Variants in TMEM178A observed in about 807,000 individuals in gnomAD.
The protein encoded by TMEM178A is transmembrane protein 178A.
A neutral mutation model predicts 29.1 loss-of-function variants in TMEM178A; 12 were observed. The ratio of observed to expected loss-of-function variants is 0.41; its 90% CI spans 0.26 to 0.67. The LOEUF (loss-of-function observed/expected upper bound fraction) is 0.67. Among genes scored for constraint, TMEM178A ranks in the 30% least tolerant of loss-of-function variants. The pLI is 0.29. For synonymous variants in TMEM178A, 210 were observed against 187.2 expected, an observed-to-expected ratio of 1.12 and a Z score of -0.99; for missense variants, 366 against 419.1, an observed-to-expected ratio of 0.87 and a Z score of 1.11.
At chr2:39,690,435 G>A (rs73927035) in intron 1 of TMEM178A, among the ~76,000 whole-genome samples, 2,625 of 152,286 alleles carry the variant, frequency 0.017, 76 homozygotes, top group African/African-American at 0.058. Flanking sequence ...GGACACTGCC[G>A]TGGGGAAAAT....
At chr2:39,696,555 G>C (rs2148087733) in intron 1 of TMEM178A, among the ~76,000 whole-genome samples, 1 of 152,292 alleles carries the variant, frequency 6.6e-6, no homozygotes, top group South Asian at 2.1e-4. Context: ...CCAAGGCTCA[G>C]TGAGCTTCAG....
At chr2:39,700,723 A>G (rs1328376044) in intron 1 of TMEM178A, among the ~76,000 whole-genome samples, 3 of 151,782 alleles carry the variant, frequency 2.0e-5, no homozygotes, top group East Asian at 1.9e-4. Context: ...TCTATATGCC[A>G]TATGCATTTT....
chr2:39,690,079 C>T (rs115971625), intron 1 of TMEM178A, among the ~76,000 whole-genome samples: 175 of 152,312 alleles, frequency 1.1e-3, no homozygotes, highest in Non-Finnish European at 2.0e-3. Flanking sequence ...CCCTAGATCA[C>T]TAAGGGGATT....
At chr2:39,687,311 T>A (rs1215167446) in intron 1 of TMEM178A, 1 of 166,964 alleles carries the variant, frequency 6.0e-6, no homozygotes, top group Non-Finnish European at 1.5e-5. Flanking sequence ...GAATTCAGTT[T>A]AGAAGGCGCA....
intron 1 of TMEM178A, among the ~76,000 whole-genome samples, chr2:39,693,732 C>G (rs1671421472): frequency 6.6e-6 from 1 of 152,128 alleles, no homozygotes; most frequent in South Asian, 2.1e-4. Context: ...ACCTGCCACA[C>G]CAGATAAGTC....
downstream of TMEM178A, among the ~76,000 whole-genome samples, chr2:39,720,320 C>CT (rs1672677354): frequency 6.6e-6 from 1 of 152,084 alleles, no homozygotes; most frequent in Admixed American, 6.5e-5. Flanking sequence ...GAATAAAAAC[C>CT]TGGGAACCCG....
At chr2:39,702,674 TA>T (rs531449900) in intron 1 of TMEM178A, among the ~76,000 whole-genome samples, 4,243 of 124,128 alleles carry the variant, frequency 0.034, 125 homozygotes, top group African/African-American at 0.096. Flanking sequence ...AAAAACAAAT[TA>T]AAAAAAAAAA....
intron 1 of TMEM178A, among the ~76,000 whole-genome samples, chr2:39,684,483 G>A (rs1010323837): frequency 6.6e-5 from 10 of 152,244 alleles, no homozygotes; most frequent in Non-Finnish European, 7.4e-5. Context: ...TTTGTATCGA[G>A]CATTAAGCCA....
intron 1 of TMEM178A, among the ~76,000 whole-genome samples, chr2:39,668,872 C>G (rs921984000): frequency 1.3e-5 from 2 of 152,128 alleles, no homozygotes. Flanking sequence ...GAAAATGTCA[C>G]CAACATTTTC....
chr2:39,731,091 C>G, the TMEM178A span, among the ~76,000 whole-genome samples: 17 of 152,178 alleles, frequency 1.1e-4, no homozygotes, highest in Non-Finnish European at 2.4e-4. Flanking sequence ...AAAATAAGCT[C>G]TTTAGTGAGA....
chr2:39,712,344 G>A (rs566717708), intron 3 of TMEM178A, among the ~76,000 whole-genome samples: 64 of 152,106 alleles, frequency 4.2e-4, no homozygotes, highest in African/African-American at 1.4e-3. Context: ...ATTAAAAAAC[G>A]GTGGTCAAAA....
At chr2:39,682,972 C>T (rs2716696) in intron 1 of TMEM178A, among the ~76,000 whole-genome samples, 3,299 of 152,260 alleles carry the variant, frequency 0.022, 123 homozygotes, top group African/African-American at 0.075. Flanking sequence ...ATTACCACCT[C>T]CTCAAGATAA....
intron 1 of TMEM178A, chr2:39,697,925 C>A (rs1341370870): frequency 6.6e-6 from 1 of 152,210 alleles, no homozygotes; most frequent in African/African-American, 2.4e-5. Flanking sequence ...TCTTGTGAGT[C>A]TGAGAAAATA....
chr2:39,682,220 A>T (rs1473626988), intron 1 of TMEM178A, among the ~76,000 whole-genome samples: 1 of 152,212 alleles, frequency 6.6e-6, no homozygotes, highest in Non-Finnish European at 1.5e-5. Flanking sequence ...TCAGTGCATT[A>T]TGCACATGTC....
At chr2:39,686,416 T>G (rs903637377) in intron 1 of TMEM178A, among the ~76,000 whole-genome samples, 51 of 142,828 alleles carry the variant, frequency 3.6e-4, no homozygotes, top group African/African-American at 1.4e-3. Flanking sequence ...TTAAATTAGG[T>G]TTTTTTTTTA....
chr2:39,670,167 G>C (rs922554282), intron 1 of TMEM178A, among the ~76,000 whole-genome samples: 1 of 152,186 alleles, frequency 6.6e-6, no homozygotes, highest in Non-Finnish European at 1.5e-5. Flanking sequence ...AGGTACCTCT[G>C]TGGCACTGGG....
At chr2:39,669,007 C>G (rs1056106342) in intron 1 of TMEM178A, among the ~76,000 whole-genome samples, 2 of 152,204 alleles carry the variant, frequency 1.3e-5, no homozygotes, top group Non-Finnish European at 2.9e-5. Context: ...GAAATTAACA[C>G]TGTATCTAAT....
intron 3 of TMEM178A, among the ~76,000 whole-genome samples, chr2:39,707,873 C>A (rs1672107655): frequency 6.6e-6 from 1 of 152,220 alleles, no homozygotes; most frequent in Non-Finnish European, 1.5e-5. Flanking sequence ...TAGATCAGCA[C>A]AACCCATGCC....
At chr2:39,727,521 A>C in the TMEM178A span, among the ~76,000 whole-genome samples, 3 of 152,136 alleles carry the variant, frequency 2.0e-5, no homozygotes, top group Admixed American at 2.0e-4. Flanking sequence ...CTAAGTGAGC[A>C]TTTCTTCTCA....
Sources: gnomAD v4.1 joint callset for allele counts (sites outside exome capture counted in the v4.1 genomes callset) on GRCh38, gnomAD v4.1.1 for gene constraint, MANE v1.5 for transcripts, NCBI Gene and HGNC (gene_info 2026-07-23, HGNC 2026-07-21) for gene names.